The following NRIP3 variants were observed in gnomAD, a reference collection of about 807,000 sequenced individuals.
The protein encoded by NRIP3 is nuclear receptor-interacting protein 3.
A neutral mutation model predicts 29.0 loss-of-function variants in NRIP3; 31 were observed. That is an observed-to-expected ratio of 1.07 (90% confidence interval 0.80 to 1.44). The LOEUF is 1.44. NRIP3 is among the 40% of genes most tolerant of loss of function. NRIP3 has a pLI of 0.00. For missense variants in NRIP3, 314 were observed against 297.9 expected (o/e 1.05, Z -0.40); for synonymous variants, 131 against 118.3 (o/e 1.11, Z -0.70).
At chr11:8,987,672 C>T (rs377759938) in intron 2 of NRIP3, 42 bp from the exon 3 acceptor site, 18 of 1,491,164 alleles carry the variant, frequency 1.2e-5, no homozygotes, top group African/African-American at 2.8e-5. Flanking sequence ...GCCAGAGAAG[C>T]GAAAGGGAAA....
chr11:8,983,610 G>A, intron 6 of NRIP3, 50 bp from the exon 7 acceptor site: 1 of 1,589,982 alleles, frequency 6.3e-7, no homozygotes, highest in Non-Finnish European at 8.6e-7. Context: ...TTCAAAAAAA[G>A]TTAAGCTGAA....
chr11:8,988,230 A>C lies in NRIP3; in HGVS notation c.227T>G (p.Leu76Arg). 1 of 1,614,056 alleles carries C rather than the reference A, an allele frequency of 6.2e-7. No individual in the cohort carries two copies. The highest frequency in any genetic ancestry group is 1.6e-4 in the Middle Eastern group (1 of 6,062). ...CCAAGGGACACGGGGACCGCTTCGG[A>C]GCTTAGACAGGTTGGTTTCCATGAG... ...RRLMETNLSK[L>R]RSGPRVPWAS... Residue 76 changes from leucine (L) to arginine (R), a missense_variant, in exon 2 of 7, where the codon CTC (leucine) becomes CGC (arginine). By Grantham distance (102) the Leu-to-Arg change is moderately radical. Coordinates refer to ENST00000309166, the MANE Select transcript of NRIP3 (RefSeq NM_020645.3).
intron 1 of NRIP3, among the ~76,000 whole-genome samples, chr11:8,991,094 G>A (rs1207456984): frequency 6.6e-6 from 1 of 152,158 alleles, no homozygotes; most frequent in Non-Finnish European, 1.5e-5. Context: ...GAGGTCAGGA[G>A]ATGGAGACCA....
Position 8,987,640 on chromosome 11 carries a change from G to A in NRIP3, c.340-10C>T, listed in dbSNP as rs1854539262. ...CATCCTTTCCAGCACACTGTGGGGA[G>A]GAAATGTACTGTTCAATAAGAGCCA... On this transcript the variant is annotated splice_polypyrimidine_tract_variant and intron_variant, in intron 2 of 6. Transcript: ENST00000309166. 1.2e-6 allele frequency: 2 copies of A among 1,606,508 alleles called. No homozygotes were observed. The highest frequency in any genetic ancestry group is 1.7e-5 in the Admixed American group (1 of 59,990).
At chr11:8,994,960 T>C (rs907819964) in intron 1 of NRIP3, among the ~76,000 whole-genome samples, 2 of 152,192 alleles carry the variant, frequency 1.3e-5, no homozygotes, top group African/African-American at 4.8e-5. Flanking sequence ...ACTGCCTTTT[T>C]CAACTTCTCT....
In NRIP3 at chr11:8,983,462, G is replaced by A. The variant is rs1037457670; in HGVS notation, c.*83C>T. Reference sequence around the variant, plus strand: ...GACTTGGTCCACAGCAAGTCACTACGGCATTTGGTTCAAACCCAGTTTTCT... The same window carrying A: ...GACTTGGTCCACAGCAAGTCACTACAGCATTTGGTTCAAACCCAGTTTTCT... On this transcript the variant is annotated 3_prime_UTR_variant, in exon 7 of 7. Transcript: ENST00000309166. 12 of 1,331,998 alleles carry A rather than the reference G, an allele frequency of 9.0e-6. No individual in the cohort carries two copies. Among genetic ancestry groups the A allele is most frequent in the Middle Eastern group, 1.8e-4 (1 of 5,440 alleles). The allele number at this position is 1,331,998 out of a possible 1,614,324, so 82.5% of individuals were successfully genotyped here. A position where few individuals can be genotyped will look rare whatever the true frequency, so the allele number is the denominator to read the frequency against.
intron 1 of NRIP3, 66 bp downstream of exon 1, chr11:9,003,696 C>G: frequency 7.5e-7 from 1 of 1,339,922 alleles, no homozygotes; most frequent in East Asian, 3.1e-5. Flanking sequence ...CCGCAACGGC[C>G]GGGCCTCGGA....
intron 1 of NRIP3, among the ~76,000 whole-genome samples, chr11:8,996,111 T>G (rs1854699246): frequency 1.3e-5 from 2 of 152,114 alleles, no homozygotes; most frequent in South Asian, 4.1e-4. Flanking sequence ...CAATATGAAA[T>G]TATTTTGTGT....
At chr11:8,989,113 T>C (rs1275673430) in intron 1 of NRIP3, among the ~76,000 whole-genome samples, 1 of 152,204 alleles carries the variant, frequency 6.6e-6, no homozygotes, top group East Asian at 1.9e-4. Context: ...ATGCCTAATG[T>C]TAAGAAGCAG....
At chr11:9,003,719 C>A in intron 1 of NRIP3, 43 bp downstream of exon 1, 1 of 1,362,458 alleles carries the variant, frequency 7.3e-7, no homozygotes, top group Non-Finnish European at 9.5e-7. Flanking sequence ...ACGGCGGGCG[C>A]GAAGCCGCCG....
chr11:8,988,793 T>C (rs1854555658), intron 1 of NRIP3, among the ~76,000 whole-genome samples: 1 of 152,220 alleles, frequency 6.6e-6, no homozygotes, highest in South Asian at 2.1e-4. Context: ...TCTCTTATCT[T>C]TCAGATGCAG....
At chr11:8,986,235 T>C (rs1017698661) in intron 3 of NRIP3, among the ~76,000 whole-genome samples, 4 of 152,208 alleles carry the variant, frequency 2.6e-5, no homozygotes, top group Non-Finnish European at 4.4e-5. Context: ...AATCCTAATT[T>C]TATAAGGTGC....
At chr11:8,983,673 G>C in intron 6 of NRIP3, 113 bp from the exon 7 acceptor site, 1 of 1,010,696 alleles carries the variant, frequency 9.9e-7, no homozygotes, top group Non-Finnish European at 1.5e-6. Flanking sequence ...ACTCTGTGTG[G>C]CATCACCATT....
intron 1 of NRIP3, among the ~76,000 whole-genome samples, chr11:8,989,547 G>T (rs1170883729): frequency 1.3e-5 from 2 of 152,202 alleles, no homozygotes; most frequent in African/African-American, 4.8e-5. Context: ...ATGACTCATT[G>T]TAACCCTAGT....
At chr11:8,995,441 C>T (rs1053986853) in intron 1 of NRIP3, among the ~76,000 whole-genome samples, 2 of 152,184 alleles carry the variant, frequency 1.3e-5, no homozygotes, top group African/African-American at 4.8e-5. Flanking sequence ...TTCCAACAAC[C>T]TTGGTAAGTG....
chr11:9,003,654 C>G (rs1851416779), intron 1 of NRIP3, 108 bp downstream of exon 1: 1 of 1,125,854 alleles, frequency 8.9e-7, no homozygotes, highest in Non-Finnish European at 1.2e-6. Flanking sequence ...GAGCCAAGGG[C>G]AGCGGCGGGC....
chr11:8,997,085 G>A (rs991573994), intron 1 of NRIP3, among the ~76,000 whole-genome samples: 2 of 150,874 alleles, frequency 1.3e-5, no homozygotes, highest in South Asian at 4.2e-4. Context: ...CTCAAAAAAA[G>A]AAAAAAGGAG....
chr11:8,991,975 G>A (rs1478777315), intron 1 of NRIP3, among the ~76,000 whole-genome samples: 12 of 152,210 alleles, frequency 7.9e-5, no homozygotes, highest in Admixed American at 5.2e-4. Flanking sequence ...GCCACATGTT[G>A]AAGACAGAAG....
At chr11:8,989,340 C>T (rs1647559105) in intron 1 of NRIP3, among the ~76,000 whole-genome samples, 1 of 152,162 alleles carries the variant, frequency 6.6e-6, no homozygotes, top group South Asian at 2.1e-4. Flanking sequence ...GAGTGTTTAA[C>T]CTAAAATCCC....
Sources: gnomAD v4.1 joint callset for allele counts (sites outside exome capture counted in the v4.1 genomes callset) on GRCh38, gnomAD v4.1.1 for gene constraint, MANE v1.5 for transcripts, NCBI Gene and HGNC (gene_info 2026-07-23, HGNC 2026-07-21) for gene names.